The following C1orf21 variants were observed in gnomAD, a reference collection of about 807,000 sequenced individuals.
The protein encoded by C1orf21 is uncharacterized protein C1orf21.
Under a neutral mutation model 18.7 loss-of-function variants are expected in C1orf21, and 3 were observed. The ratio of observed to expected loss-of-function variants is 0.16; its 90% CI spans 0.07 to 0.42. The LOEUF (loss-of-function observed/expected upper bound fraction) is 0.42. Ranked by LOEUF, C1orf21 falls within the 10% of genes least tolerant of loss-of-function variation. The pLI is 0.99. For synonymous variants in C1orf21, 41 were observed against 46.4 expected (o/e 0.88, Z 0.47); for missense variants, 104 against 143.6 (o/e 0.72, Z 1.41).
At chr1:184,559,510 C>CT (rs1658925642) in intron 3 of C1orf21, among the ~76,000 whole-genome samples, 1 of 52,378 alleles carries the variant, frequency 1.9e-5, no homozygotes, top group African/African-American at 1.1e-4. Context: ...TTCCCCCCTT[C>CT]CTTCCTTCCT....
chr1:184,559,545 T>TCCTA (rs1658928990), intron 3 of C1orf21, among the ~76,000 whole-genome samples: 1 of 125,632 alleles, frequency 8.0e-6, no homozygotes, highest in South Asian at 2.8e-4. Flanking sequence ...CTTCCTTCCT[T>TCCTA]CCTTCCTTCC....
At chr1:184,399,356 A>ATTTTTTTTTTTTTTTTTTTTT in intron 1 of C1orf21, among the ~76,000 whole-genome samples, 1 of 79,082 alleles carries the variant, frequency 1.3e-5, no homozygotes, top group Non-Finnish European at 2.6e-5. Context: ...ATGTACTTCT[A>ATTTTTTTTTTTTTTTTTTTTT]TTTTTTTTTT....
At chr1:184,607,075 C>T (rs1469258142) in intron 5 of C1orf21, among the ~76,000 whole-genome samples, 1 of 152,174 alleles carries the variant, frequency 6.6e-6, no homozygotes, top group Non-Finnish European at 1.5e-5. Flanking sequence ...CTGCTCTGTT[C>T]CTAGAGAAAG....
intron 1 of C1orf21, among the ~76,000 whole-genome samples, chr1:184,410,899 G>T (rs775427216): frequency 6.7e-6 from 1 of 150,208 alleles, no homozygotes; most frequent in African/African-American, 2.5e-5. Flanking sequence ...TGATACACCC[G>T]CCTTGGCCTG....
intron 1 of C1orf21, among the ~76,000 whole-genome samples, chr1:184,413,361 A>T (rs1656387221): frequency 6.6e-6 from 1 of 152,270 alleles, no homozygotes; most frequent in Non-Finnish European, 1.5e-5. Context: ...GAATATTTGC[A>T]GTCAGTTCTA....
chr1:184,450,596 C>T (rs1657107701), intron 1 of C1orf21, among the ~76,000 whole-genome samples: 1 of 152,124 alleles, frequency 6.6e-6, no homozygotes. Context: ...CACAGACGCA[C>T]ATATATACAT....
chr1:184,436,306 T>C (rs920028590), intron 1 of C1orf21, among the ~76,000 whole-genome samples: 8 of 152,172 alleles, frequency 5.3e-5, no homozygotes, highest in Non-Finnish European at 1.2e-4. Context: ...ATCTCTTTTC[T>C]TTATGAAGTG....
chr1:184,568,886 A>C (rs894762094), intron 3 of C1orf21, among the ~76,000 whole-genome samples: 2 of 152,258 alleles, frequency 1.3e-5, no homozygotes, highest in Admixed American at 6.5e-5. Flanking sequence ...GTAGCACACA[A>C]GTAAAGGAGG....
At chr1:184,612,490 C>T (rs1308106362) in intron 5 of C1orf21, among the ~76,000 whole-genome samples, 2 of 152,156 alleles carry the variant, frequency 1.3e-5, no homozygotes, top group Non-Finnish European at 2.9e-5. Context: ...CTTTGGGAGG[C>T]CAAAGCAGGT....
chr1:184,428,914 C>A (rs980921580), intron 1 of C1orf21, among the ~76,000 whole-genome samples: 4 of 152,148 alleles, frequency 2.6e-5, no homozygotes, highest in Non-Finnish European at 5.9e-5. Context: ...ATAAAAGGAT[C>A]TGGTCAGGAA....
At chr1:184,572,285 G>A (rs1659123189) in intron 3 of C1orf21, among the ~76,000 whole-genome samples, 1 of 152,204 alleles carries the variant, frequency 6.6e-6, no homozygotes, top group Non-Finnish European at 1.5e-5. Flanking sequence ...GATTGTGTCT[G>A]TATTCTAGCA....
At chr1:184,599,820 T>C (rs1659563396) in intron 5 of C1orf21, among the ~76,000 whole-genome samples, 1 of 152,158 alleles carries the variant, frequency 6.6e-6, no homozygotes, top group African/African-American at 2.4e-5. Flanking sequence ...ACTTTTTGAG[T>C]GCAGACATGA....
At chr1:184,395,230 G>T (rs994767758) in intron 1 of C1orf21, among the ~76,000 whole-genome samples, 5 of 151,546 alleles carry the variant, frequency 3.3e-5, no homozygotes, top group Admixed American at 2.6e-4. Flanking sequence ...CCCTTCTATT[G>T]TGCCCACTGG....
chr1:184,419,061 G>A (rs368872181), intron 1 of C1orf21, among the ~76,000 whole-genome samples: 10 of 152,108 alleles, frequency 6.6e-5, no homozygotes, highest in African/African-American at 2.2e-4. Context: ...GTTGTTTGGT[G>A]CTGTTGAAGA....
intron 1 of C1orf21, among the ~76,000 whole-genome samples, chr1:184,464,650 TAGTA>T (rs1657360367): frequency 6.6e-6 from 1 of 152,186 alleles, no homozygotes. Context: ...TTGACTCTCA[TAGTA>T]AGAGTTTAGG....
Position 184,456,144 on chromosome 1 carries a change from A to T in C1orf21, c.-124-21242A>T, listed in dbSNP as rs571858157. The stretch of plus-strand genomic sequence containing the variant: ...ACTGCAATGTACATATTGGCCTTGT[A>T]GGGAAAATGTTGCCATCCTCCCAAA... On this transcript the variant is annotated intron_variant, in intron 1 of 5. Transcript: ENST00000235307. Among the ~76,000 whole-genome samples, 8 of 152,310 alleles carry T rather than the reference A, an allele frequency of 5.3e-5. No homozygotes were observed. In the South Asian group the frequency reaches 1.5e-3, roughly 28 times the overall value.
intron 5 of C1orf21, among the ~76,000 whole-genome samples, chr1:184,608,522 T>C (rs1659683592): frequency 6.6e-6 from 1 of 152,238 alleles, no homozygotes; most frequent in African/African-American, 2.4e-5. Context: ...TGGCCACAGA[T>C]GCAGTTGAAT....
chr1:184,473,700 C>T (rs1388645482), intron 1 of C1orf21, among the ~76,000 whole-genome samples: 2 of 152,160 alleles, frequency 1.3e-5, no homozygotes, highest in African/African-American at 4.8e-5. Flanking sequence ...TTCTTTAGCT[C>T]TGCTCAGGTC....
At chr1:184,512,996 G>C (rs1346396493) in intron 3 of C1orf21, among the ~76,000 whole-genome samples, 4 of 152,218 alleles carry the variant, frequency 2.6e-5, no homozygotes, top group Admixed American at 2.6e-4. Context: ...ATCGTGAACT[G>C]TGCAAGTGAG....
Sources: allele counts gnomAD v4.1 joint callset (sites outside exome capture counted in the v4.1 genomes callset), GRCh38; gene constraint gnomAD v4.1.1; transcripts MANE v1.5; gene names NCBI Gene and HGNC (gene_info 2026-07-23, HGNC 2026-07-21).